Variants in SORCS2 observed in about 807,000 individuals in gnomAD.
SORCS2 encodes the protein VPS10 domain-containing receptor SorCS2.
Under a neutral mutation model 141.6 loss-of-function variants are expected in SORCS2, and 100 were observed. The ratio of observed to expected loss-of-function variants is 0.71; its 90% CI spans 0.60 to 0.83. The LOEUF is 0.83. Ranked by LOEUF, SORCS2 falls within the 40% of genes least tolerant of loss-of-function variation. SORCS2 has a pLI of 0.00. For synonymous variants in SORCS2, 789 were observed against 676.9 expected, an observed-to-expected ratio of 1.17 and a Z score of -2.57; for missense variants, 1,646 against 1,560.2, an observed-to-expected ratio of 1.05 and a Z score of -0.93.
intron 2 of SORCS2, among the ~76,000 whole-genome samples, chr4:7,526,418 G>T (rs1733697583): frequency 6.6e-6 from 1 of 152,264 alleles, no homozygotes; most frequent in African/African-American, 2.4e-5. Flanking sequence ...CAAATGAAAA[G>T]GCTGTGAACT....
chr4:7,740,145 C>T, intron 26 of SORCS2, 55 bp from the exon 27 acceptor site: 1 of 1,504,112 alleles, frequency 6.6e-7, no homozygotes, highest in Non-Finnish European at 9.1e-7. Flanking sequence ...CCCTGTGGCC[C>T]TGTCTCCAGT....
At chr4:7,394,070 G>A (rs534880274) in intron 1 of SORCS2, among the ~76,000 whole-genome samples, 11 of 150,762 alleles carry the variant, frequency 7.3e-5, no homozygotes, top group Admixed American at 1.3e-4. Flanking sequence ...CAACGCCGCA[G>A]GAACCCAAAG....
chr4:7,444,578 G>A (rs1024657406), intron 2 of SORCS2, among the ~76,000 whole-genome samples: 3 of 152,332 alleles, frequency 2.0e-5, no homozygotes, highest in Middle Eastern at 3.4e-3. Context: ...AGCAGAAGGC[G>A]CCACGGTCAG....
chr4:7,299,700 G>T (rs1347773129), intron 1 of SORCS2, among the ~76,000 whole-genome samples: 1 of 152,222 alleles, frequency 6.6e-6, no homozygotes, highest in Non-Finnish European at 1.5e-5. Flanking sequence ...AGATGGGGAA[G>T]CCGTGGTCCA....
At chr4:7,455,554 C>T (rs1728845411) in intron 2 of SORCS2, among the ~76,000 whole-genome samples, 1 of 140,422 alleles carries the variant, frequency 7.1e-6, no homozygotes, top group South Asian at 2.3e-4. Flanking sequence ...ACGTTAGGGT[C>T]AGGCACTGTG....
Position 7,714,966 on chromosome 4 carries a change from T to C in SORCS2, c.2124-217T>C, listed in dbSNP as rs1259100014. Reference sequence around the variant, plus strand: ...CACCTCCTCCAGGCAGCCCTCCAGGTTTCTCTGAGTTCACAGCATCCCTTT... The same window carrying C: ...CACCTCCTCCAGGCAGCCCTCCAGGCTTCTCTGAGTTCACAGCATCCCTTT... On this transcript the variant is annotated intron_variant, in intron 16 of 26. Coordinates refer to ENST00000507866, the MANE Select transcript of SORCS2 (RefSeq NM_020777.3). Among the ~76,000 whole-genome samples, 8 of 152,150 alleles carry C rather than the reference T, an allele frequency of 5.3e-5. No individual in the cohort carries two copies. In the East Asian group the frequency reaches 1.5e-3, roughly 29 times the overall value.
intron 2 of SORCS2, among the ~76,000 whole-genome samples, chr4:7,496,439 CACTCCCCACCCGTTCCCCGT>C (rs1731623555): frequency 1.3e-5 from 1 of 78,170 alleles, no homozygotes; most frequent in Admixed American, 1.2e-4. Flanking sequence ...CCCCCCCCCC[CACTCCCCACCCGTTCCCCGT>C]CCCCCGTCCC....
At position 7,374,132 on chromosome 4, in the gene SORCS2, T is replaced by A. The variant is rs1000418111; in HGVS notation, c.481-22156T>A. 1.8e-3 allele frequency among the ~76,000 whole-genome samples: 122 copies of A among 67,172 alleles called. 1 individual carries two copies. The highest frequency in any genetic ancestry group is 7.6e-3 in the African/African-American group (115 of 15,100). The allele number at this position is 67,172 out of a possible 152,430, so 44.1% of individuals were successfully genotyped here. A position where few individuals can be genotyped will look rare whatever the true frequency, so the allele number is the denominator to read the frequency against. On this transcript the variant is annotated intron_variant, in intron 1 of 26. Transcript: ENST00000507866. ...GATTCTTTCTTTCTTTCTTTCCCTC[T>A]TTCTTTCTTTCTTTCTTTCTTTCTT...
intron 1 of SORCS2, among the ~76,000 whole-genome samples, chr4:7,388,869 C>A (rs1723669398): frequency 6.6e-6 from 1 of 151,840 alleles, no homozygotes; most frequent in African/African-American, 2.4e-5. Context: ...CTGGTGGATG[C>A]GTGGGTTATT....
chr4:7,434,360 G>A lies in SORCS2; in HGVS notation c.548+38005G>A, dbSNP rs750964055. On this transcript the variant is annotated intron_variant, in intron 2 of 26. Coordinates refer to ENST00000507866, the MANE Select transcript of SORCS2 (RefSeq NM_020777.3). The stretch of plus-strand genomic sequence containing the variant: ...GCTCCTTCAGGCGCCTGGCGGGGGT[G>A]GAAGGTAAGGGGCCCATTGGCCATG... 6.2e-6 allele frequency: 10 copies of A among 1,607,784 alleles called. No homozygotes were observed. The highest frequency in any genetic ancestry group is 8.5e-6 in the Non-Finnish European group (10 of 1,177,556).
intron 1 of SORCS2, among the ~76,000 whole-genome samples, chr4:7,328,429 C>A (rs191629360): frequency 1.3e-5 from 2 of 152,082 alleles, no homozygotes; most frequent in East Asian, 3.9e-4. Flanking sequence ...GGAGAGTAAA[C>A]GGAGGCACCT....
intron 1 of SORCS2, among the ~76,000 whole-genome samples, chr4:7,245,128 C>T (rs139259607): frequency 1.2e-3 from 190 of 152,272 alleles, no homozygotes; most frequent in Middle Eastern, 6.8e-3. Flanking sequence ...GAGGCTGGGC[C>T]GCTTCTTCCC....
intron 1 of SORCS2, among the ~76,000 whole-genome samples, chr4:7,385,587 G>A (rs1159057207): frequency 2.0e-5 from 3 of 152,200 alleles, no homozygotes; most frequent in African/African-American, 7.2e-5. Context: ...CGGGAGGAAG[G>A]CCTGTGCTCT....
At chr4:7,610,635 G>A (rs1718346637) in intron 3 of SORCS2, among the ~76,000 whole-genome samples, 1 of 152,198 alleles carries the variant, frequency 6.6e-6, no homozygotes, top group Non-Finnish European at 1.5e-5. Flanking sequence ...GAGTGGTGTG[G>A]AGGGGGCACA....
At chr4:7,506,309 A>G (rs1732275122) in intron 2 of SORCS2, among the ~76,000 whole-genome samples, 1 of 152,144 alleles carries the variant, frequency 6.6e-6, no homozygotes, top group South Asian at 2.1e-4. Flanking sequence ...CTTGTGGTAA[A>G]TATTTGGCGT....
chr4:7,556,729 A>C (rs1320649372), intron 3 of SORCS2, among the ~76,000 whole-genome samples: 1 of 148,338 alleles, frequency 6.7e-6, no homozygotes, highest in Non-Finnish European at 1.5e-5. Flanking sequence ...CCACCCACCC[A>C]CCATCCATGT....
chr4:7,573,756 C>T lies in SORCS2; in HGVS notation c.648+42127C>T, dbSNP rs74416370. On this transcript the variant is annotated intron_variant, in intron 3 of 26. Transcript: ENST00000507866. Reference sequence around the variant, plus strand: ...AGCACATAGGACTAGGGGCCAGAGGCCAGAGCCCCTGCCAGGCTACTCCCC... The same window carrying T: ...AGCACATAGGACTAGGGGCCAGAGGTCAGAGCCCCTGCCAGGCTACTCCCC... Among the ~76,000 whole-genome samples the T allele has an allele frequency of 4.3e-4, 66 of 152,320 alleles. No homozygotes were observed. The East Asian group carries it at 0.013, about 29-fold the overall frequency.
At position 7,531,514 on chromosome 4, in the gene SORCS2, C is replaced by A; in HGVS notation, c.549-16C>A. 6.2e-7 allele frequency: 1 copy of A among 1,611,732 alleles called. No homozygotes were observed. Among genetic ancestry groups the A allele is most frequent in the Non-Finnish European group, 8.5e-7 (1 of 1,178,322 alleles). ...TGGAGGGTACATGGCTGACGGCTGT[C>A]CCCCTTTTCCCCCAGGTCATCAGAT... is the stretch of plus-strand genomic sequence containing the variant. On this transcript the variant is annotated splice_polypyrimidine_tract_variant and intron_variant, in intron 2 of 26. Transcript: ENST00000507866.
intron 4 of SORCS2, among the ~76,000 whole-genome samples, chr4:7,652,098 G>A (rs2108894466): frequency 6.6e-6 from 1 of 152,288 alleles, no homozygotes; most frequent in African/African-American, 2.4e-5. Context: ...CCCCTGGCAT[G>A]GTGGGGCTTG....
Sources: gnomAD v4.1 joint callset for allele counts (sites outside exome capture counted in the v4.1 genomes callset) on GRCh38, gnomAD v4.1.1 for gene constraint, MANE v1.5 for transcripts, NCBI Gene and HGNC (gene_info 2026-07-23, HGNC 2026-07-21) for gene names.